GTF2A1: variants seen among roughly 807,000 people sequenced by gnomAD.
GTF2A1 encodes transcription initiation factor IIA subunit 1.
Under a neutral mutation model 54.1 loss-of-function variants are expected in GTF2A1, and 12 were observed. The ratio of observed to expected loss-of-function variants is 0.22; its 90% CI spans 0.14 to 0.36. The LOEUF is 0.36. Ranked by LOEUF, GTF2A1 falls within the 10% of genes least tolerant of loss-of-function variation. GTF2A1 has a pLI of 1.00. For missense variants in GTF2A1, 335 were observed against 442.2 expected, an observed-to-expected ratio of 0.76 and a Z score of 2.17; for synonymous variants, 145 against 152.0, an observed-to-expected ratio of 0.95 and a Z score of 0.34.
Position 81,201,725 on chromosome 14 carries a change from TTACA to T in GTF2A1, c.338-71_338-68del, listed in dbSNP as rs1161242402. 1.1e-5 allele frequency: 11 copies of T among 1,018,296 alleles called. No homozygotes were observed. The Admixed American group carries it at 2.1e-4, about 19-fold the overall frequency. The allele number at this position is 1,018,296 out of a possible 1,614,324, so 63.1% of individuals were successfully genotyped here. On this transcript the variant is annotated intron_variant, in intron 3 of 8. Coordinates refer to ENST00000553612, the MANE Select transcript of GTF2A1 (RefSeq NM_015859.4). ...GCTATTTTATAATCACAAGAACACT[TTACA>T]TACAATGATGAAAACTTTTTTCATG...
chr14:81,185,850 ATGTTTATCTT>A (rs1892732669), intron 7 of GTF2A1, among the ~76,000 whole-genome samples: 1 of 152,156 alleles, frequency 6.6e-6, no homozygotes, highest in South Asian at 2.1e-4. Flanking sequence ...GTCTGAAAAG[ATGTTTATCTT>A]TATTTTCTTC....
chr14:81,220,477 C>G lies in GTF2A1; in HGVS notation c.30+12G>C. On this transcript the variant is annotated intron_variant, in intron 1 of 8. Transcript: ENST00000553612. ...AACGAAGCCCCCGCCGGCCACCGAA[C>G]CACGTCCTTACCACGGTGTTTGTAT... The G allele has an allele frequency of 3.2e-6, 5 of 1,565,202 alleles. No individual in the cohort carries two copies. In the East Asian group the frequency reaches 9.5e-5, roughly 30 times the overall value.
intron 2 of GTF2A1, among the ~76,000 whole-genome samples, chr14:81,215,049 A>C (rs1198708085): frequency 6.6e-6 from 1 of 152,246 alleles, no homozygotes; most frequent in East Asian, 1.9e-4. Context: ...TCATACTTTT[A>C]AAGTCCATTA....
chr14:81,184,486 C>A (rs1256138984), intron 8 of GTF2A1, among the ~76,000 whole-genome samples: 3 of 152,154 alleles, frequency 2.0e-5, no homozygotes, highest in African/African-American at 7.2e-5. Flanking sequence ...CTCTCAATGA[C>A]CTTACTGTCT....
intron 2 of GTF2A1, among the ~76,000 whole-genome samples, chr14:81,210,642 C>T (rs1893343869): frequency 6.6e-6 from 1 of 152,074 alleles, no homozygotes; most frequent in South Asian, 2.1e-4. Flanking sequence ...GCAACCTCCA[C>T]CTCCTGGGTT....
At chr14:81,189,158 T>C (rs1312804985) in intron 7 of GTF2A1, among the ~76,000 whole-genome samples, 3 of 152,176 alleles carry the variant, frequency 2.0e-5, no homozygotes, top group African/African-American at 7.2e-5. Context: ...AACAGTATCA[T>C]ACAAACAGAC....
chr14:81,210,583 G>A (rs559173957), intron 2 of GTF2A1, among the ~76,000 whole-genome samples: 20 of 152,238 alleles, frequency 1.3e-4, no homozygotes, highest in African/African-American at 4.6e-4. Flanking sequence ...GATATGGAGT[G>A]TCACTTTGTT....
chr14:81,197,978 T>C (rs990426019), intron 4 of GTF2A1, among the ~76,000 whole-genome samples: 5 of 152,192 alleles, frequency 3.3e-5, no homozygotes, highest in Non-Finnish European at 5.9e-5. Flanking sequence ...TTAAAATTTC[T>C]ACTAAAATCA....
rs1893631804 is a variant in GTF2A1 at position 81,220,941 on chromosome 14, G to GCCGCCT, written c.-424_-423insAGGCGG. 1 of 170,392 alleles carries GCCGCCT rather than the reference G, an allele frequency of 5.9e-6. No homozygotes were observed. The highest frequency in any genetic ancestry group is 2.4e-5 in the African/African-American group (1 of 41,888). 10.6% of individuals were successfully genotyped at this position (170,392 alleles called of 1,614,324 possible). Reference sequence around the variant, plus strand: ...AGCTGCGCGAGCCACCACCGCCGCCGCCGCCGCCGCCGAGAGACAGGGTGA... The same window carrying GCCGCCT: ...AGCTGCGCGAGCCACCACCGCCGCCGCCGCCTCCGCCGCCGCCGAGAGACAGGGTGA... On this transcript the variant is annotated 5_prime_UTR_variant, in exon 1 of 9. Transcript: ENST00000553612.
chr14:81,183,822 A>G (rs1892685274), intron 8 of GTF2A1, among the ~76,000 whole-genome samples: 3 of 152,214 alleles, frequency 2.0e-5, no homozygotes, highest in Admixed American at 6.5e-5. Flanking sequence ...GATCTCTTCT[A>G]AAATTGACTC....
At chr14:81,214,510 G>T (rs952241775) in intron 2 of GTF2A1, among the ~76,000 whole-genome samples, 1 of 151,956 alleles carries the variant, frequency 6.6e-6, no homozygotes, top group Non-Finnish European at 1.5e-5. Context: ...GCCAGGCGTC[G>T]TGGCGGGCGC....
rs1261288211 is a variant in GTF2A1 at position 81,175,836 on chromosome 14, T to C, written c.*4387A>G. On this transcript the variant is annotated 3_prime_UTR_variant, in exon 9 of 9. Coordinates refer to ENST00000553612, the MANE Select transcript of GTF2A1 (RefSeq NM_015859.4). ...TATTTCACAAGGAGTAATCTTTATT[T>C]TGAAAAACAATGTTAATTATACCAA... 3 of 152,174 alleles carry C rather than the reference T, an allele frequency of 2.0e-5. No individual in the cohort carries two copies. The highest frequency in any genetic ancestry group is 6.5e-5 in the Admixed American group (1 of 15,284). 9.4% of individuals were successfully genotyped at this position (152,174 alleles called of 1,614,324 possible). A position where few individuals can be genotyped will look rare whatever the true frequency, so the allele number is the denominator to read the frequency against.
chr14:81,208,125 C>G (rs1361257525), intron 2 of GTF2A1, among the ~76,000 whole-genome samples: 1 of 152,180 alleles, frequency 6.6e-6, no homozygotes, highest in Non-Finnish European at 1.5e-5. Flanking sequence ...TATCAGAGAC[C>G]TTCACTGCAG....
In GTF2A1 at chr14:81,180,401, C is replaced by G. The variant is rs575661943; in HGVS notation, c.1024-71G>C. On this transcript the variant is annotated intron_variant, in intron 8 of 8. Coordinates refer to ENST00000553612, the MANE Select transcript of GTF2A1 (RefSeq NM_015859.4). ...ACAGAGAAAACAAGTAACAAAAAAC[C>G]CATACACACACACACGTACACACAC... 5.4e-6 allele frequency: 4 copies of G among 744,312 alleles called. No individual in the cohort carries two copies. In the East Asian group the frequency reaches 7.5e-5, roughly 14 times the overall value. 46.1% of individuals were successfully genotyped at this position (744,312 alleles called of 1,614,324 possible). A position where few individuals can be genotyped will look rare whatever the true frequency, so the allele number is the denominator to read the frequency against.
At chr14:81,197,088 A>G in intron 5 of GTF2A1, 1 of 183,430 alleles carries the variant, frequency 5.5e-6, no homozygotes, top group Non-Finnish European at 1.1e-5. Context: ...CACAAGTTCA[A>G]AGAAGTTTAA....
chr14:81,216,008 C>T (rs943135363), intron 2 of GTF2A1, among the ~76,000 whole-genome samples: 1 of 152,002 alleles, frequency 6.6e-6, no homozygotes, highest in Non-Finnish European at 1.5e-5. Flanking sequence ...CGACAGAGCC[C>T]GACCCTGTCT....
At chr14:81,200,885 C>CAAAAA (rs36025974) in intron 4 of GTF2A1, among the ~76,000 whole-genome samples, 1 of 111,100 alleles carries the variant, frequency 9.0e-6, no homozygotes. Context: ...ATGTTTTATC[C>CAAAAA]AAAAAAAAAA....
chr14:81,206,290 T>TGAA lies in GTF2A1; in HGVS notation c.133-2187_133-2186insTTC, dbSNP rs553261719. ...CCCAACAGCCCACCATTATTGTCTA[T>TGAA]TCTGATTCAGTGTTCCAATGCATCT... On this transcript the variant is annotated intron_variant, in intron 2 of 8. Coordinates refer to ENST00000553612, the MANE Select transcript of GTF2A1 (RefSeq NM_015859.4). Among the ~76,000 whole-genome samples, 9 of 152,324 alleles carry TGAA rather than the reference T, an allele frequency of 5.9e-5. No homozygotes were observed. In the South Asian group the frequency reaches 1.9e-3, roughly 32 times the overall value.
At chr14:81,201,569 C>A (rs1481688472) in intron 4 of GTF2A1, 25 bp downstream of exon 4, 1 of 1,412,018 alleles carries the variant, frequency 7.1e-7, no homozygotes, top group South Asian at 1.2e-5. Context: ...TACAGCCAAT[C>A]AAACTGCTAC....
Sources: gnomAD v4.1 joint callset for allele counts (sites outside exome capture counted in the v4.1 genomes callset) on GRCh38, gnomAD v4.1.1 for gene constraint, MANE v1.5 for transcripts, NCBI Gene and HGNC (gene_info 2026-07-23, HGNC 2026-07-21) for gene names.